Variants in ABLIM1 observed in about 807,000 individuals in gnomAD.
ABLIM1 encodes the protein actin-binding LIM protein 1.
ABLIM1 carries 40 observed loss-of-function variants against 107.0 expected under a neutral mutation model. The observed-to-expected ratio is 0.37, with a 90% CI of 0.29 to 0.49. The LOEUF (loss-of-function observed/expected upper bound fraction) is 0.49. Among genes scored for constraint, ABLIM1 ranks in the 20% least tolerant of loss-of-function variants. The pLI is 0.97. For synonymous variants in ABLIM1, 357 were observed against 357.3 expected, an observed-to-expected ratio of 1.00 and a Z score of 0.01; for missense variants, 857 against 1,008.5, an observed-to-expected ratio of 0.85 and a Z score of 2.04.
At chr10:114,438,096 G>C (rs2059682817) in intron 21 of ABLIM1, among the ~76,000 whole-genome samples, 172 bp from the exon 22 acceptor site, 1 of 152,138 alleles carries the variant, frequency 6.6e-6, no homozygotes, top group Admixed American at 6.6e-5. Context: ...GTTTCCAGGG[G>C]ACAGGGACAG....
intron 4 of ABLIM1, among the ~76,000 whole-genome samples, chr10:114,565,759 T>C (rs932027372): frequency 4.7e-5 from 7 of 150,398 alleles, no homozygotes; most frequent in African/African-American, 7.3e-5. Flanking sequence ...TTTGGAAACA[T>C]GCACGCGATG....
At chr10:114,752,592 A>G (rs1043242730) in intron 1 of ABLIM1, among the ~76,000 whole-genome samples, 11 of 152,092 alleles carry the variant, frequency 7.2e-5, no homozygotes, top group Non-Finnish European at 1.3e-4. Context: ...TTCCTCCCCC[A>G]ACCCCACCTG....
intron 10 of ABLIM1, among the ~76,000 whole-genome samples, chr10:114,471,178 A>G (rs1331770799): frequency 6.6e-6 from 1 of 152,234 alleles, no homozygotes; most frequent in Non-Finnish European, 1.5e-5. Context: ...TACGGACATG[A>G]GTCACCATGT....
chr10:114,528,438 C>A (rs1285576421), intron 6 of ABLIM1, among the ~76,000 whole-genome samples: 1 of 152,170 alleles, frequency 6.6e-6, no homozygotes, highest in Admixed American at 6.5e-5. Flanking sequence ...AAGGTTTTAG[C>A]AACAAAGCCG....
chr10:114,692,487 C>A (rs2081101138), intron 1 of ABLIM1, among the ~76,000 whole-genome samples: 1 of 152,328 alleles, frequency 6.6e-6, no homozygotes, highest in Middle Eastern at 3.4e-3. Context: ...CTGTTCCTTG[C>A]AATGATCTTC....
chr10:114,597,723 T>C (rs989084767), intron 2 of ABLIM1, among the ~76,000 whole-genome samples: 24 of 152,140 alleles, frequency 1.6e-4, no homozygotes, highest in African/African-American at 5.6e-4. Context: ...CTCCCACCAT[T>C]AGCCTAGACC....
At chr10:114,448,175 G>T in intron 14 of ABLIM1, 155 bp from the exon 15 acceptor site, 1 of 923,432 alleles carries the variant, frequency 1.1e-6, no homozygotes. Flanking sequence ...TCACTCAGAG[G>T]TACCTATTGA....
chr10:114,780,712 C>CTA, the ABLIM1 span, among the ~76,000 whole-genome samples: 1 of 152,166 alleles, frequency 6.6e-6, no homozygotes, highest in African/African-American at 2.4e-5. Flanking sequence ...CAACGGCCTC[C>CTA]TATCAATTTT....
intron 1 of ABLIM1, chr10:114,690,210 C>A (rs61734691): frequency 7.0e-7 from 1 of 1,423,450 alleles, no homozygotes; most frequent in Non-Finnish European, 9.8e-7. Flanking sequence ...GGACCCAAAG[C>A]GCCCCGTGGC....
chr10:114,471,662 A>T (rs1298231274), intron 10 of ABLIM1, among the ~76,000 whole-genome samples: 1 of 152,104 alleles, frequency 6.6e-6, no homozygotes, highest in African/African-American at 2.4e-5. Context: ...TAAAAGGAAC[A>T]ATATATATAA....
chr10:114,596,841 A>G (rs889699181), intron 2 of ABLIM1, among the ~76,000 whole-genome samples: 11 of 151,974 alleles, frequency 7.2e-5, no homozygotes, highest in Non-Finnish European at 1.5e-4. Flanking sequence ...TCCCAAACTC[A>G]TTTACATCTT....
chr10:114,787,667 C>T, the ABLIM1 span, among the ~76,000 whole-genome samples: 1 of 113,056 alleles, frequency 8.8e-6, no homozygotes, highest in Non-Finnish European at 1.9e-5. Flanking sequence ...AAGTGAGGAG[C>T]CCCTCTGCCC....
At chr10:114,570,506 T>C (rs2071482314) in intron 4 of ABLIM1, among the ~76,000 whole-genome samples, 1 of 152,140 alleles carries the variant, frequency 6.6e-6, no homozygotes. Context: ...TCTGCTTTAA[T>C]TTTATTCCTA....
At chr10:114,600,637 AC>A (rs556414606) in intron 2 of ABLIM1, among the ~76,000 whole-genome samples, 63 of 152,168 alleles carry the variant, frequency 4.1e-4, no homozygotes, top group Non-Finnish European at 7.4e-4. Flanking sequence ...TCAAAATGAA[AC>A]CCAGTTTCCA....
intron 1 of ABLIM1, chr10:114,613,660 G>T: frequency 1.5e-6 from 2 of 1,324,198 alleles, no homozygotes; most frequent in Non-Finnish European, 1.0e-6. Flanking sequence ...CCCTCACCTG[G>T]GTCTCTCCAG....
intron 1 of ABLIM1, among the ~76,000 whole-genome samples, chr10:114,691,248 GCTT>G (rs1008650403): frequency 2.0e-5 from 3 of 152,116 alleles, no homozygotes; most frequent in East Asian, 1.9e-4. Flanking sequence ...CATTCTCACA[GCTT>G]CTTCTTGTAG....
intron 1 of ABLIM1, among the ~76,000 whole-genome samples, chr10:114,628,667 T>C (rs1244985734): frequency 2.0e-5 from 3 of 152,210 alleles, no homozygotes; most frequent in Non-Finnish European, 4.4e-5. Context: ...TAAAATTCTA[T>C]TTACCTTGAA....
At chr10:114,799,220 G>T in the ABLIM1 span, among the ~76,000 whole-genome samples, 1 of 152,310 alleles carries the variant, frequency 6.6e-6, no homozygotes, top group African/African-American at 2.4e-5. Context: ...CCAATTCCCA[G>T]CCTCCAAATC....
intron 1 of ABLIM1, among the ~76,000 whole-genome samples, chr10:114,757,603 C>T (rs2082659392): frequency 6.6e-6 from 1 of 152,178 alleles, no homozygotes; most frequent in African/African-American, 2.4e-5. Flanking sequence ...TCTTTAGAAA[C>T]ATTTCCAGAA....
Sources: gnomAD v4.1 joint callset for allele counts (sites outside exome capture counted in the v4.1 genomes callset) on GRCh38, gnomAD v4.1.1 for gene constraint, MANE v1.5 for transcripts, NCBI Gene and HGNC (gene_info 2026-07-23, HGNC 2026-07-21) for gene names.